The following SRCIN1 variants were observed in gnomAD, a reference collection of about 807,000 sequenced individuals.
SRCIN1 encodes P130Cas-associated protein.
A neutral mutation model predicts 116.2 loss-of-function variants in SRCIN1; 50 were observed. The ratio of observed to expected loss-of-function variants is 0.43; its 90% CI spans 0.34 to 0.54. The LOEUF (loss-of-function observed/expected upper bound fraction) is 0.54, where lower values mean the gene tolerates loss of function less well. Among genes scored for constraint, SRCIN1 ranks in the 20% least tolerant of loss-of-function variants. The pLI, the probability that SRCIN1 is intolerant of heterozygous loss-of-function variation, is 0.02. For missense variants in SRCIN1, 1,446 were observed against 1,672.0 expected (o/e 0.86, Z 2.36); for synonymous variants, 736 against 750.0 (o/e 0.98, Z 0.30).
In SRCIN1 at chr17:38,562,171, G is replaced by A. The variant is rs543221301; in HGVS notation, c.992C>T (p.Ser331Leu). 40 of 1,381,024 alleles carry A rather than the reference G, an allele frequency of 2.9e-5. No homozygotes were observed. In the South Asian group the frequency reaches 6.3e-4, roughly 22 times the overall value. The allele number at this position is 1,381,024 out of a possible 1,614,324, so 85.5% of individuals were successfully genotyped here. ...QSGSPSRSRL[S>L]YAGGRPPSYA... ...CGAAGGCGGGCGCCCCCCGGCGTAC[G>A]ATAGGCGCGAACGCGACGGCGAACC... The change falls in exon 7 of 19, where the codon TCG becomes TTG. Residue 331 changes from serine (S) to leucine (L), a missense_variant. Transcript: ENST00000617146. The surrounding 1 kb of genome is among the most constrained non-coding windows in gnomAD (Gnocchi z 4.2).
At chr17:38,550,215 C>T (rs1234396921) in intron 15 of SRCIN1, among the ~76,000 whole-genome samples, 1 of 152,164 alleles carries the variant, frequency 6.6e-6, no homozygotes, top group African/African-American at 2.4e-5. Context: ...AAGGATGAGG[C>T]CAGGCGTGGT....
Position 38,562,816 on chromosome 17 carries a change from C to T in SRCIN1, c.834+11G>A, listed in dbSNP as rs1279947772. 1.2e-6 allele frequency: 2 copies of T among 1,612,072 alleles called. No individual in the cohort carries two copies. The highest frequency in any genetic ancestry group is 3.3e-5 in the Admixed American group (2 of 59,926). ...CAGCCTCCCCAATGCCCTGGGCATG[C>T]CCAGCCATACCCGGAGGTCCCCGTT... is the stretch of plus-strand genomic sequence containing the variant. On this transcript the variant is annotated intron_variant, in intron 6 of 18. Coordinates refer to ENST00000617146, the MANE Select transcript of SRCIN1 (RefSeq NM_025248.3). This position sits in a 1 kb window ranked among gnomAD's most constrained non-coding sequence, Gnocchi z 4.2.
Position 38,563,641 on chromosome 17 carries a change from G to A in SRCIN1, c.542-120C>T. 2.9e-6 allele frequency: 4 copies of A among 1,372,296 alleles called. No individual in the cohort carries two copies. Among genetic ancestry groups the A allele is most frequent in the Non-Finnish European group, 4.0e-6 (4 of 997,854 alleles). 85.0% of individuals were successfully genotyped at this position (1,372,296 alleles called of 1,614,324 possible). ...GCAGCGGCAGGGTCTGAGGCTAGACGCCGCCCCCGAGTGCAGATGCACCCA... is the reference window on the plus strand; with the variant it reads ...GCAGCGGCAGGGTCTGAGGCTAGACACCGCCCCCGAGTGCAGATGCACCCA... On this transcript the variant is annotated intron_variant, in intron 4 of 18. Coordinates refer to ENST00000617146, the MANE Select transcript of SRCIN1 (RefSeq NM_025248.3). This position sits in a 1 kb window ranked among gnomAD's most constrained non-coding sequence, Gnocchi z 5.8.
chr17:38,593,945 G>A (rs1285830613), intron 1 of SRCIN1, among the ~76,000 whole-genome samples: 2 of 152,230 alleles, frequency 1.3e-5, no homozygotes, highest in African/African-American at 4.8e-5. Flanking sequence ...ACTCTGGCTG[G>A]TAAAGCCAGG....
intron 1 of SRCIN1, among the ~76,000 whole-genome samples, chr17:38,595,331 C>T (rs1303256165): frequency 6.6e-6 from 1 of 152,158 alleles, no homozygotes; most frequent in Non-Finnish European, 1.5e-5. Flanking sequence ...AATTCTCCTG[C>T]CTCAGCTTCC....
intron 1 of SRCIN1, among the ~76,000 whole-genome samples, chr17:38,588,989 C>G (rs576088779): frequency 6.6e-6 from 1 of 152,214 alleles, no homozygotes; most frequent in South Asian, 2.1e-4. Context: ...AGGATTCCTC[C>G]GGGTTCCCAG....
At position 38,562,772 on chromosome 17, in the gene SRCIN1, C is replaced by T; in HGVS notation, c.834+55G>A. On this transcript the variant is annotated intron_variant, in intron 6 of 18. Transcript: ENST00000617146. The surrounding 1 kb of genome is among the most constrained non-coding windows in gnomAD (Gnocchi z 4.2). ...AGATGACAACTGCCCAGACCCTGCT[C>T]CCCTGGACCCCATGTGCCCAGCCTC... is the stretch of plus-strand genomic sequence containing the variant. 2.0e-6 allele frequency: 3 copies of T among 1,507,352 alleles called. No individual in the cohort carries two copies. The highest frequency in any genetic ancestry group is 2.7e-6 in the Non-Finnish European group (3 of 1,091,852). 93.4% of individuals were successfully genotyped at this position (1,507,352 alleles called of 1,614,324 possible).
At position 38,552,308 on chromosome 17, in the gene SRCIN1, C is replaced by T; in HGVS notation, c.2480+139G>A. On this transcript the variant is annotated intron_variant, in intron 13 of 18. Coordinates refer to ENST00000617146, the MANE Select transcript of SRCIN1 (RefSeq NM_025248.3). The surrounding 1 kb of genome is among the most constrained non-coding windows in gnomAD (Gnocchi z 5.3). Reference sequence around the variant, plus strand: ...AGCCAGGTCTACAGCATGCAGGGGTCACAGGGCAGAGCTGAGGTGCCAGTC... The same window carrying T: ...AGCCAGGTCTACAGCATGCAGGGGTTACAGGGCAGAGCTGAGGTGCCAGTC... 7.1e-7 allele frequency: 1 copy of T among 1,417,932 alleles called. No individual in the cohort carries two copies. Among genetic ancestry groups the T allele is most frequent in the South Asian group, 1.5e-5 (1 of 68,642 alleles). The allele number at this position is 1,417,932 out of a possible 1,614,324, so 87.8% of individuals were successfully genotyped here. A position where few individuals can be genotyped will look rare whatever the true frequency, so the allele number is the denominator to read the frequency against.
chr17:38,566,384 C>A (rs1321578395), intron 3 of SRCIN1, among the ~76,000 whole-genome samples: 1 of 152,182 alleles, frequency 6.6e-6, no homozygotes, highest in Non-Finnish European at 1.5e-5. Flanking sequence ...AACCTGCTGG[C>A]ACTTCTCTCC....
intron 1 of SRCIN1, among the ~76,000 whole-genome samples, chr17:38,599,943 C>G (rs1908931908): frequency 1.3e-5 from 2 of 152,232 alleles, no homozygotes; most frequent in African/African-American, 4.8e-5. Context: ...TCTCTGGGTT[C>G]AGAGATGTCT....
chr17:38,603,624 G>A (rs1449142719), intron 1 of SRCIN1, among the ~76,000 whole-genome samples: 2 of 152,128 alleles, frequency 1.3e-5, no homozygotes, highest in Non-Finnish European at 2.9e-5. Context: ...TGTTGTGGGG[G>A]GACTGGACAA....
intron 3 of SRCIN1, among the ~76,000 whole-genome samples, chr17:38,565,505 T>C (rs1365010819): frequency 6.6e-6 from 1 of 152,220 alleles, no homozygotes; most frequent in East Asian, 1.9e-4. Flanking sequence ...TTTTTCACTT[T>C]ATAGATTTCT....
At chr17:38,576,094 A>T (rs1907402014) in intron 2 of SRCIN1, among the ~76,000 whole-genome samples, 1 of 152,116 alleles carries the variant, frequency 6.6e-6, no homozygotes, top group Non-Finnish European at 1.5e-5. Context: ...ATGCTAGAAC[A>T]TAGGAGGCCC....
At chr17:38,538,439 AT>A (rs1308977201) in intron 18 of SRCIN1, among the ~76,000 whole-genome samples, 2 of 149,482 alleles carry the variant, frequency 1.3e-5, no homozygotes, top group African/African-American at 4.9e-5. Flanking sequence ...AAAAATAATA[AT>A]AATAATAATA....
intron 1 of SRCIN1, among the ~76,000 whole-genome samples, chr17:38,588,601 C>T (rs1232638117): frequency 6.6e-6 from 1 of 152,192 alleles, no homozygotes; most frequent in Admixed American, 6.5e-5. Context: ...CGTCTTCTCC[C>T]CAGGGGGCAC....
At chr17:38,556,411 G>T (rs1276198285) in intron 11 of SRCIN1, among the ~76,000 whole-genome samples, 3 of 152,250 alleles carry the variant, frequency 2.0e-5, no homozygotes, top group East Asian at 1.9e-4. Context: ...CAGACCTTAA[G>T]TGCTGGGCTA....
chr17:38,590,686 T>A (rs1369626034), intron 1 of SRCIN1, among the ~76,000 whole-genome samples: 3 of 152,232 alleles, frequency 2.0e-5, no homozygotes, highest in Non-Finnish European at 4.4e-5. Context: ...AGGAGTGACT[T>A]GTCCAAGGTC....
Position 38,585,614 on chromosome 17 carries a change from C to T in SRCIN1, c.23-6823G>A, listed in dbSNP as rs963576284. 1.4e-4 allele frequency among the ~76,000 whole-genome samples: 22 copies of T among 152,220 alleles called. No homozygotes were observed. The highest frequency in any genetic ancestry group is 3.1e-4 in the Non-Finnish European group (21 of 68,048). On this transcript the variant is annotated intron_variant, in intron 1 of 18. Coordinates refer to ENST00000617146, the MANE Select transcript of SRCIN1 (RefSeq NM_025248.3). This position sits in a 1 kb window ranked among gnomAD's most constrained non-coding sequence, Gnocchi z 4.2. ...GCCTTCCTTGTGTGCCCATACTCCT[C>T]AGTTTCTGCTGGCTGGCTGTGGGTC...
intron 2 of SRCIN1, among the ~76,000 whole-genome samples, chr17:38,577,288 GAACCC>G (rs1907474858): frequency 6.6e-6 from 1 of 152,166 alleles, no homozygotes; most frequent in Non-Finnish European, 1.5e-5. Flanking sequence ...CACACAGGAG[GAACCC>G]AATGAGAGGG....
Sources: gnomAD v4.1 joint callset for allele counts (sites outside exome capture counted in the v4.1 genomes callset) on GRCh38, gnomAD v4.1.1 for gene constraint, Gnocchi (gnomAD v3.1) non-coding constraint, MANE v1.5 for transcripts, NCBI Gene and HGNC (gene_info 2026-07-23, HGNC 2026-07-21) for gene names.